The following IQCJ variants were observed in gnomAD, a reference collection of about 807,000 sequenced individuals.
IQCJ encodes the protein IQ domain-containing protein J.
IQCJ carries 9 observed loss-of-function variants against 11.0 expected under a neutral mutation model. The ratio of observed to expected loss-of-function variants is 0.82; its 90% confidence interval spans 0.49 to 1.43. IQCJ has a LOEUF of 1.43. Ranked by LOEUF, IQCJ falls within the 40% of genes most tolerant of loss-of-function variation. IQCJ has a pLI of 0.00. For missense variants in IQCJ, 146 were observed against 133.2 expected (o/e 1.10, Z -0.47); for synonymous variants, 55 against 51.3 (o/e 1.07, Z -0.31).
rs147849484 is a variant in IQCJ at position 159,180,395 on chromosome 3, C to T, written c.10-65448C>T. On this transcript the variant is annotated intron_variant, in intron 1 of 3. Coordinates refer to ENST00000397832, the MANE Select transcript of IQCJ (RefSeq NM_001042706.3). ...TAATTAATATGATTTTTAAAATTAT[C>T]TGCCTCAGGATGTCCTTTTTCTTAG... Among the ~76,000 whole-genome samples, 688 of 152,168 alleles carry T rather than the reference C, an allele frequency of 4.5e-3. 9 individuals are homozygous for T. The highest frequency in any genetic ancestry group is 0.013 in the African/African-American group (528 of 41,492).
At position 159,201,961 on chromosome 3, in the gene IQCJ, G is replaced by C. The variant is rs138798208; in HGVS notation, c.10-43882G>C. ...CCTGTTTTCCAATGCACATAACGTG[G>C]AGCACAAAATATACTACACTGGAAG... On this transcript the variant is annotated intron_variant, in intron 1 of 3. Transcript: ENST00000397832. 3.1e-3 allele frequency among the ~76,000 whole-genome samples: 477 copies of C among 152,218 alleles called. 1 individual carries two copies. The highest frequency in any genetic ancestry group is 0.011 in the African/African-American group (453 of 41,520).
At chr3:159,245,458 CTTTTTTTTTTT>C (rs34153369) in intron 1 of IQCJ, among the ~76,000 whole-genome samples, 4 of 113,060 alleles carry the variant, frequency 3.5e-5, no homozygotes, top group Non-Finnish European at 5.4e-5. Flanking sequence ...GTCCTGAATT[CTTTTTTTTTTT>C]TTTTTTTTTT....
chr3:159,167,801 T>C (rs1271942133), intron 1 of IQCJ, among the ~76,000 whole-genome samples: 2 of 152,228 alleles, frequency 1.3e-5, no homozygotes, highest in African/African-American at 4.8e-5. Flanking sequence ...ATATTTTGTC[T>C]ATATCTAAGG....
chr3:159,244,325 T>C (rs1472144820), intron 1 of IQCJ, among the ~76,000 whole-genome samples: 3 of 152,102 alleles, frequency 2.0e-5, no homozygotes, highest in Admixed American at 6.5e-5. Flanking sequence ...CCAGAGGTTT[T>C]GTAGGAGTGG....
rs948684663 is a variant in IQCJ, at chr3:159,179,940, A to C, written c.10-65903A>C. On this transcript the variant is annotated intron_variant, in intron 1 of 3. Transcript: ENST00000397832. ...GATATACAAGGGGCTCTGAGAAAAG[A>C]CTAAGCATGTGGAGAAATAGCAGTT... Among the ~76,000 whole-genome samples the C allele has an allele frequency of 9.3e-5, 14 of 150,770 alleles. No homozygotes were observed. In the East Asian group the frequency reaches 1.6e-3, roughly 17 times the overall value.
Position 159,107,639 on chromosome 3 carries a change from T to C in IQCJ, c.9+38198T>C, listed in dbSNP as rs191328916. On this transcript the variant is annotated intron_variant, in intron 1 of 3. Coordinates refer to ENST00000397832, the MANE Select transcript of IQCJ (RefSeq NM_001042706.3). ...ATAATAATTTATTTAGCATTTGCCA[T>C]TTGCCAGGCATTGCTCTAAGTGCTT... 1.1e-4 allele frequency among the ~76,000 whole-genome samples: 16 copies of C among 152,260 alleles called. No individual in the cohort carries two copies. The East Asian group carries it at 3.1e-3, about 29-fold the overall frequency.
chr3:159,221,871 G>C (rs959012361), intron 1 of IQCJ, among the ~76,000 whole-genome samples: 1 of 149,618 alleles, frequency 6.7e-6, no homozygotes. Flanking sequence ...TAAACTGGAA[G>C]ACACACAAGA....
intron 1 of IQCJ, among the ~76,000 whole-genome samples, chr3:159,131,764 A>G (rs1298941993): frequency 6.6e-6 from 1 of 152,172 alleles, no homozygotes; most frequent in Non-Finnish European, 1.5e-5. Context: ...CCCAACTGGT[A>G]CAGGTGGGAA....
At chr3:159,187,140 A>G (rs1484328049) in intron 1 of IQCJ, among the ~76,000 whole-genome samples, 12 of 152,246 alleles carry the variant, frequency 7.9e-5, no homozygotes, top group Admixed American at 7.2e-4. Flanking sequence ...CATTTATTTT[A>G]TTCAGCATGT....
At chr3:159,074,014 G>C (rs1715753543) in intron 1 of IQCJ, among the ~76,000 whole-genome samples, 1 of 152,116 alleles carries the variant, frequency 6.6e-6, no homozygotes, top group Non-Finnish European at 1.5e-5. Flanking sequence ...TAGAAGGAAT[G>C]GGGGTAGTTT....
intron 1 of IQCJ, among the ~76,000 whole-genome samples, chr3:159,147,247 T>G (rs2108194501): frequency 6.6e-6 from 1 of 152,356 alleles, no homozygotes; most frequent in East Asian, 1.9e-4. Flanking sequence ...GATTTATTTA[T>G]TTGTTCCTGG....
intron 1 of IQCJ, among the ~76,000 whole-genome samples, chr3:159,194,588 C>A (rs1383770352): frequency 6.6e-6 from 1 of 152,228 alleles, no homozygotes; most frequent in Non-Finnish European, 1.5e-5. Context: ...ATTTTAGATG[C>A]TCAGAGTATC....
intron 2 of IQCJ, among the ~76,000 whole-genome samples, chr3:159,248,865 T>TC (rs1455499191): frequency 6.6e-6 from 1 of 152,072 alleles, no homozygotes; most frequent in East Asian, 1.9e-4. Context: ...TTATTGATTT[T>TC]TTTTTTTTTG....
intron 1 of IQCJ, among the ~76,000 whole-genome samples, chr3:159,223,684 AC>A (rs1725682371): frequency 6.6e-6 from 1 of 152,160 alleles, no homozygotes; most frequent in Non-Finnish European, 1.5e-5. Context: ...AGAAATAATG[AC>A]CAGTGCAGTA....
At position 159,125,352 on chromosome 3, in the gene IQCJ, C is replaced by T. The variant is rs146267417; in HGVS notation, c.9+55911C>T. Among the ~76,000 whole-genome samples the T allele has an allele frequency of 3.9e-5, 6 of 152,252 alleles. No individual in the cohort carries two copies. The East Asian group carries it at 9.6e-4, about 24-fold the overall frequency. ...CATGGCCAAGAGAAACCTAAGGAGA[C>T]ATGATGGCTTCATGGAATGTGGCAT... On this transcript the variant is annotated intron_variant, in intron 1 of 3. Transcript: ENST00000397832.
At chr3:159,246,014 TATC>T (rs1429287540) in intron 2 of IQCJ, 107 bp downstream of exon 2, 1 of 863,092 alleles carries the variant, frequency 1.2e-6, no homozygotes, top group Non-Finnish European at 1.8e-6. Context: ...TTTCTTATGT[TATC>T]ATTGTGGTCA....
At chr3:159,219,780 G>A (rs1251107205) in intron 1 of IQCJ, among the ~76,000 whole-genome samples, 1 of 152,070 alleles carries the variant, frequency 6.6e-6, no homozygotes, top group Non-Finnish European at 1.5e-5. Context: ...TTCTACAGCT[G>A]GGAAATGACT....
At chr3:159,256,761 T>G (rs1167275851) in intron 3 of IQCJ, among the ~76,000 whole-genome samples, 1 of 152,248 alleles carries the variant, frequency 6.6e-6, no homozygotes, top group Admixed American at 6.5e-5. Flanking sequence ...CCACTTGGGC[T>G]AATAAAATAT....
intron 1 of IQCJ, among the ~76,000 whole-genome samples, chr3:159,078,321 T>C (rs1273995953): frequency 1.3e-5 from 2 of 152,038 alleles, no homozygotes; most frequent in African/African-American, 4.8e-5. Flanking sequence ...GTTTTGAGGG[T>C]GGAAGTAATT....
Sources: gnomAD v4.1 joint callset for allele counts (sites outside exome capture counted in the v4.1 genomes callset) on GRCh38, gnomAD v4.1.1 for gene constraint, MANE v1.5 for transcripts, NCBI Gene and HGNC (gene_info 2026-07-23, HGNC 2026-07-21) for gene names.